Variants in PIGL observed in about 807,000 individuals in gnomAD.
The protein encoded by PIGL is phosphatidylinositol glycan anchor biosynthesis class L.
In PIGL, 22 loss-of-function variants were observed where a neutral mutation model predicts 31.1. The observed-to-expected ratio is 0.71, with a 90% confidence interval of 0.51 to 1.01. The LOEUF (loss-of-function observed/expected upper bound fraction) is 1.01. PIGL is among the 50% of genes least tolerant of loss of function. The probability of loss-of-function intolerance (pLI) is 0.00; values close to 1 mark genes in which losing one functional copy is unlikely to be tolerated. For synonymous variants in PIGL, 131 were observed against 117.4 expected, an observed-to-expected ratio of 1.12 and a Z score of -0.75; for missense variants, 302 against 315.9, an observed-to-expected ratio of 0.96 and a Z score of 0.33.
chr17:16,218,695 T>TC (rs2092610835), intron 1 of PIGL, among the ~76,000 whole-genome samples: 4 of 151,040 alleles, frequency 2.6e-5, no homozygotes, highest in Non-Finnish European at 4.4e-5. Flanking sequence ...TTTTTTTTTT[T>TC]TCTGAGATAG....
chr17:16,255,142 G>A (rs986216259), intron 2 of PIGL, among the ~76,000 whole-genome samples: 3 of 152,150 alleles, frequency 2.0e-5, no homozygotes, highest in Non-Finnish European at 4.4e-5. Context: ...TAATTTCTGA[G>A]TCTTAAGTGA....
chr17:16,276,733 A>C (rs1310938170), intron 2 of PIGL, among the ~76,000 whole-genome samples: 2 of 152,210 alleles, frequency 1.3e-5, no homozygotes, highest in Non-Finnish European at 2.9e-5. Flanking sequence ...GTGAGACTCC[A>C]TCTCAAAAAA....
At chr17:16,317,478 C>T (rs1600864360) in intron 5 of PIGL, 1 of 1,125,844 alleles carries the variant, frequency 8.9e-7, no homozygotes, top group African/African-American at 1.6e-5. Context: ...ATTCCTGTCT[C>T]CTTTACTTCC....
intron 2 of PIGL, among the ~76,000 whole-genome samples, chr17:16,260,527 T>A (rs1370218108): frequency 6.6e-6 from 1 of 151,946 alleles, no homozygotes. Context: ...GATGGGATGA[T>A]TTGCCTGCGA....
At chr17:16,289,508 C>T (rs2092951610) in intron 2 of PIGL, among the ~76,000 whole-genome samples, 1 of 152,172 alleles carries the variant, frequency 6.6e-6, no homozygotes, top group South Asian at 2.1e-4. Context: ...TCTTTGCAAA[C>T]TTACCCACGC....
At chr17:16,266,366 G>T (rs1353481554) in intron 2 of PIGL, among the ~76,000 whole-genome samples, 1 of 128,606 alleles carries the variant, frequency 7.8e-6, no homozygotes, top group Non-Finnish European at 1.6e-5. Context: ...TCCAGACTGG[G>T]CAACAGAGCG....
chr17:16,228,589 C>T (rs1052155660), intron 1 of PIGL, among the ~76,000 whole-genome samples: 4 of 151,086 alleles, frequency 2.6e-5, no homozygotes, highest in Non-Finnish European at 1.5e-5. Context: ...GGGGTTTCAC[C>T]GTGTTAGCCA....
At chr17:16,237,011 C>T (rs2092701868) in intron 2 of PIGL, among the ~76,000 whole-genome samples, 1 of 151,592 alleles carries the variant, frequency 6.6e-6, no homozygotes, top group Admixed American at 6.6e-5. Context: ...GATCACACTT[C>T]ACTGTAGCCT....
chr17:16,235,474 C>CA (rs2092695817), intron 2 of PIGL, among the ~76,000 whole-genome samples: 1 of 117,056 alleles, frequency 8.5e-6, no homozygotes, highest in African/African-American at 3.3e-5. Context: ...GACGGAGTCT[C>CA]ACTCTGTTCC....
At chr17:16,318,646 G>C (rs1302403643) in intron 6 of PIGL, among the ~76,000 whole-genome samples, 2 of 151,952 alleles carry the variant, frequency 1.3e-5, no homozygotes, top group Non-Finnish European at 2.9e-5. Context: ...TTTAAAACCA[G>C]CTTTGGCCAG....
chr17:16,263,768 A>G (rs1243231564), intron 2 of PIGL, among the ~76,000 whole-genome samples: 1 of 147,692 alleles, frequency 6.8e-6, no homozygotes, highest in Non-Finnish European at 1.5e-5. Context: ...TGATCTGCCC[A>G]TCTCGGCCTC....
chr17:16,251,670 A>G (rs1396648233), intron 2 of PIGL, among the ~76,000 whole-genome samples: 1 of 150,952 alleles, frequency 6.6e-6, no homozygotes, highest in African/African-American at 2.4e-5. Context: ...CCAGTACCTT[A>G]ACATCTAGTA....
intron 1 of PIGL, among the ~76,000 whole-genome samples, chr17:16,227,697 C>T (rs1050201816): frequency 6.7e-6 from 1 of 148,930 alleles, no homozygotes; most frequent in African/African-American, 2.5e-5. Flanking sequence ...TTTCCTGCCT[C>T]AGCCTCCCAA....
chr17:16,250,531 G>C (rs1003155204), intron 2 of PIGL, among the ~76,000 whole-genome samples: 7 of 152,114 alleles, frequency 4.6e-5, no homozygotes, highest in African/African-American at 1.4e-4. Flanking sequence ...ACACGCAACA[G>C]TCAGTCTTTC....
chr17:16,261,483 T>C (rs1289460439), intron 2 of PIGL, among the ~76,000 whole-genome samples: 3 of 152,056 alleles, frequency 2.0e-5, no homozygotes, highest in Admixed American at 6.6e-5. Context: ...GAAAAGACAA[T>C]CTAAAGAATG....
intron 2 of PIGL, among the ~76,000 whole-genome samples, chr17:16,252,731 T>G (rs1420730409): frequency 6.6e-6 from 1 of 152,136 alleles, no homozygotes; most frequent in Non-Finnish European, 1.5e-5. Context: ...TGATAATATT[T>G]TATTTGATAA....
intron 5 of PIGL, 57 bp downstream of exon 5, chr17:16,316,769 T>G (rs1480946893): frequency 6.2e-7 from 1 of 1,600,720 alleles, no homozygotes; most frequent in Non-Finnish European, 8.6e-7. Flanking sequence ...GAGAAACTTA[T>G]GAGGGGGAAA....
chr17:16,295,681 C>T (rs748850948), intron 2 of PIGL, among the ~76,000 whole-genome samples: 58 of 152,110 alleles, frequency 3.8e-4, no homozygotes, highest in African/African-American at 9.9e-4. Flanking sequence ...TGGTGGCTCA[C>T]GCCTGTACTC....
chr17:16,311,486 A>ATTTTTTTT (rs1568840853), intron 3 of PIGL, among the ~76,000 whole-genome samples: 10 of 10,302 alleles, frequency 9.7e-4, no homozygotes, highest in African/African-American at 1.8e-3. Flanking sequence ...TTTTTTGATC[A>ATTTTTTTT]TTCTTGGGTG....
Sources: allele counts gnomAD v4.1 joint callset (sites outside exome capture counted in the v4.1 genomes callset), GRCh38; gene constraint gnomAD v4.1.1; transcripts MANE v1.5; gene names NCBI Gene and HGNC (gene_info 2026-07-23, HGNC 2026-07-21).